The following PRKCA variants were observed in gnomAD, a reference collection of about 807,000 sequenced individuals.
PRKCA encodes the protein protein kinase C alpha type.
A neutral mutation model predicts 87.0 loss-of-function variants in PRKCA; 27 were observed. The ratio of observed to expected loss-of-function variants is 0.31; its 90% CI spans 0.23 to 0.43. The LOEUF (loss-of-function observed/expected upper bound fraction) is 0.43, where lower values mean the gene tolerates loss of function less well. Ranked by LOEUF, PRKCA falls within the 20% of genes least tolerant of loss-of-function variation. The probability of loss-of-function intolerance (pLI) is 1.00; values close to 1 mark genes in which losing one functional copy is unlikely to be tolerated. For synonymous variants in PRKCA, 329 were observed against 311.1 expected (o/e 1.06, Z -0.61); for missense variants, 518 against 852.3 (o/e 0.61, Z 4.88).
chr17:66,342,198 C>G (rs1265664041), intron 2 of PRKCA, among the ~76,000 whole-genome samples: 1 of 151,916 alleles, frequency 6.6e-6, no homozygotes, highest in Admixed American at 6.6e-5. Flanking sequence ...CCGAGGCAGG[C>G]AGATCACAAG....
At chr17:66,712,211 G>T (rs11867531) in intron 8 of PRKCA, among the ~76,000 whole-genome samples, 19,264 of 152,112 alleles carry the variant, frequency 0.13, 1,320 homozygotes, top group Middle Eastern at 0.21. Flanking sequence ...GGTGGAAACA[G>T]TTCCTGTTTA....
intron 3 of PRKCA, among the ~76,000 whole-genome samples, chr17:66,578,532 G>A (rs187749370): frequency 1.8e-3 from 266 of 151,888 alleles, no homozygotes; most frequent in African/African-American, 6.0e-3. Flanking sequence ...AGCAAAACAT[G>A]TATAAGGCCA....
chr17:66,597,996 A>G, intron 3 of PRKCA, among the ~76,000 whole-genome samples: 1 of 20,732 alleles, frequency 4.8e-5, no homozygotes, highest in Non-Finnish European at 7.5e-5. Flanking sequence ...CTTGTAGTAT[A>G]GTTTGAAGTC....
intron 3 of PRKCA, among the ~76,000 whole-genome samples, chr17:66,517,698 C>G (rs1193186860): frequency 6.6e-6 from 1 of 152,162 alleles, no homozygotes; most frequent in Admixed American, 6.5e-5. Context: ...CTGTTGTGGC[C>G]TCTTAGCATA....
At chr17:66,594,576 A>G (rs551429194) in intron 3 of PRKCA, among the ~76,000 whole-genome samples, 2 of 152,104 alleles carry the variant, frequency 1.3e-5, no homozygotes, top group South Asian at 4.2e-4. Flanking sequence ...GTTCTGGGAA[A>G]TCACAGGACA....
intron 2 of PRKCA, among the ~76,000 whole-genome samples, chr17:66,490,305 C>T (rs1916182753): frequency 6.6e-6 from 1 of 151,386 alleles, no homozygotes; most frequent in Non-Finnish European, 1.5e-5. Flanking sequence ...AGTACCTTCC[C>T]AGTGTTAGAC....
chr17:66,587,760 C>T lies in PRKCA; in HGVS notation c.289-53595C>T, dbSNP rs1167772369. Among the ~76,000 whole-genome samples the T allele has an allele frequency of 1.0e-4, 7 of 67,612 alleles. 1 individual carries two copies. Among genetic ancestry groups the T allele is most frequent in the African/African-American group, 4.4e-4 (7 of 16,044 alleles). The allele number at this position is 67,612 out of a possible 152,430, so 44.4% of individuals were successfully genotyped here. On this transcript the variant is annotated intron_variant, in intron 3 of 16. Transcript: ENST00000413366. ...ATACGTATATGTGTGTATATGTATA[C>T]ATATATACGTATATGTGTGTATATG... is the stretch of plus-strand genomic sequence containing the variant.
chr17:66,333,754 A>T (rs1166798540), intron 2 of PRKCA, among the ~76,000 whole-genome samples: 1 of 152,100 alleles, frequency 6.6e-6, no homozygotes, highest in Non-Finnish European at 1.5e-5. Flanking sequence ...GAGCCCTGAC[A>T]GACAGGACAA....
At chr17:66,747,983 CAG>C (rs1974338023) in intron 13 of PRKCA, among the ~76,000 whole-genome samples, 1 of 152,238 alleles carries the variant, frequency 6.6e-6, no homozygotes, top group Non-Finnish European at 1.5e-5. Flanking sequence ...GGGCTGGAGG[CAG>C]CTGGAAATCA....
At chr17:66,631,678 C>G (rs1174742622) in intron 3 of PRKCA, among the ~76,000 whole-genome samples, 1 of 152,138 alleles carries the variant, frequency 6.6e-6, no homozygotes, top group Non-Finnish European at 1.5e-5. Flanking sequence ...AATAACTACA[C>G]ATTTTAAAAT....
intron 16 of PRKCA, among the ~76,000 whole-genome samples, chr17:66,790,649 A>AC (rs1212087570): frequency 6.6e-6 from 1 of 151,986 alleles, no homozygotes; most frequent in African/African-American, 2.4e-5. Context: ...ATGCGTACTG[A>AC]CCCCGCCTTG....
intron 3 of PRKCA, among the ~76,000 whole-genome samples, chr17:66,620,495 C>T (rs1970645980): frequency 6.6e-6 from 1 of 152,160 alleles, no homozygotes; most frequent in African/African-American, 2.4e-5. Context: ...GAGCTATGGC[C>T]TGTGGCTACC....
intron 2 of PRKCA, among the ~76,000 whole-genome samples, chr17:66,448,245 A>C (rs914104019): frequency 6.6e-6 from 1 of 152,172 alleles, no homozygotes; most frequent in Non-Finnish European, 1.5e-5. Context: ...GAAAACGTGG[A>C]TCATTAGTCA....
chr17:66,449,897 C>T (rs1177610418), intron 2 of PRKCA, among the ~76,000 whole-genome samples: 7 of 152,002 alleles, frequency 4.6e-5, no homozygotes, highest in African/African-American at 1.2e-4. Flanking sequence ...TTCTGCCATG[C>T]GCTTCAGTTT....
At position 66,641,337 on chromosome 17, in the gene PRKCA, T is replaced by C; in HGVS notation, c.289-18T>C. ...CCTTTCATGACTAAAATGAGCATTGTGCTTCTTCTCCTCCCAGGACCCCAG... is the reference window on the plus strand; with the variant it reads ...CCTTTCATGACTAAAATGAGCATTGCGCTTCTTCTCCTCCCAGGACCCCAG... On this transcript the variant is annotated intron_variant, in intron 3 of 16. Transcript: ENST00000413366. 1.3e-6 allele frequency: 2 copies of C among 1,589,102 alleles called. No individual in the cohort carries two copies. Among genetic ancestry groups the C allele is most frequent in the Non-Finnish European group, 1.7e-6 (2 of 1,159,254 alleles).
At chr17:66,611,281 A>G (rs1370795823) in intron 3 of PRKCA, among the ~76,000 whole-genome samples, 1 of 152,138 alleles carries the variant, frequency 6.6e-6, no homozygotes, top group East Asian at 1.9e-4. Flanking sequence ...ATGCTACCAT[A>G]ATCTAATTTT....
intron 13 of PRKCA, among the ~76,000 whole-genome samples, chr17:66,761,186 A>G (rs370610440): frequency 4.6e-5 from 7 of 152,098 alleles, no homozygotes; most frequent in African/African-American, 9.6e-5. Context: ...CCTGGCCAAC[A>G]TGGTGAAACT....
chr17:66,670,769 G>C (rs1972157960), intron 5 of PRKCA, among the ~76,000 whole-genome samples: 1 of 152,036 alleles, frequency 6.6e-6, no homozygotes, highest in South Asian at 2.1e-4. Context: ...GGCTGAGGTA[G>C]GAGGATTGCT....
At chr17:66,463,582 A>AGATGGGGTTTCACC (rs1317276194) in intron 2 of PRKCA, among the ~76,000 whole-genome samples, 3 of 151,938 alleles carry the variant, frequency 2.0e-5, no homozygotes, top group Non-Finnish European at 4.4e-5. Flanking sequence ...TTTTTAGTAG[A>AGATGGGGTTTCACC]GATGGGGTTT....
Sources: gnomAD v4.1 joint callset for allele counts (sites outside exome capture counted in the v4.1 genomes callset) on GRCh38, gnomAD v4.1.1 for gene constraint, MANE v1.5 for transcripts, NCBI Gene and HGNC (gene_info 2026-07-23, HGNC 2026-07-21) for gene names.